The following CNTN4 variants were observed in gnomAD, a reference collection of about 807,000 sequenced individuals.
CNTN4 encodes the protein contactin-4.
A neutral mutation model predicts 122.5 loss-of-function variants in CNTN4; 77 were observed. The observed-to-expected ratio is 0.63, with a 90% CI of 0.52 to 0.76. The LOEUF is 0.76. Ranked by LOEUF, CNTN4 falls within the 30% of genes least tolerant of loss-of-function variation. CNTN4 has a pLI of 0.00. For synonymous variants in CNTN4, 512 were observed against 447.0 expected (o/e 1.15, Z -1.83); for missense variants, 1,256 against 1,259.1 (o/e 1.00, Z 0.04).
At chr3:2,989,860 T>G (rs988131081) in intron 14 of CNTN4, among the ~76,000 whole-genome samples, 4 of 152,210 alleles carry the variant, frequency 2.6e-5, no homozygotes, top group Non-Finnish European at 5.9e-5. Flanking sequence ...CCAAGAGAGA[T>G]CTCAATGTTT....
intron 4 of CNTN4, among the ~76,000 whole-genome samples, chr3:2,657,525 G>C (rs773478185): frequency 9.2e-5 from 14 of 152,160 alleles, no homozygotes; most frequent in Non-Finnish European, 2.1e-4. Flanking sequence ...TTTGTGAATT[G>C]AAAGTTGGAT....
Position 2,711,636 on chromosome 3 carries a change from G to C in CNTN4, c.56-24579G>C, listed in dbSNP as rs563531119. On this transcript the variant is annotated intron_variant, in intron 4 of 24. Coordinates refer to ENST00000418658, the MANE Select transcript of CNTN4 (RefSeq NM_175607.3). ...ACTCTTCAAACCAGAAATGCTAAAC[G>C]CAGAGAGGATTAACATGGCAGAAGG... Among the ~76,000 whole-genome samples, 22 of 152,280 alleles carry C rather than the reference G, an allele frequency of 1.4e-4. No individual in the cohort carries two copies. The East Asian group carries it at 1.9e-3, about 13-fold the overall frequency.
At chr3:2,740,030 CT>C (rs201610964) in intron 5 of CNTN4, among the ~76,000 whole-genome samples, 3,184 of 151,366 alleles carry the variant, frequency 0.021, 91 homozygotes, top group African/African-American at 0.06. Context: ...TTCCAAGTAC[CT>C]TTTTTTTTCC....
chr3:2,711,291 G>A (rs2087134513), intron 4 of CNTN4, among the ~76,000 whole-genome samples: 1 of 152,184 alleles, frequency 6.6e-6, no homozygotes, highest in Non-Finnish European at 1.5e-5. Context: ...ATCTCACACA[G>A]TCAGCACATA....
chr3:2,572,048 G>GT (rs1216782234), intron 4 of CNTN4, among the ~76,000 whole-genome samples: 1 of 152,144 alleles, frequency 6.6e-6, no homozygotes, highest in Non-Finnish European at 1.5e-5. Context: ...AACACAGGAG[G>GT]TTTTTACCAT....
chr3:2,584,879 T>G (rs1411636863), intron 4 of CNTN4, among the ~76,000 whole-genome samples: 2 of 151,724 alleles, frequency 1.3e-5, no homozygotes, highest in African/African-American at 4.9e-5. Flanking sequence ...GGTAGGTAGG[T>G]AGGTAGATAC....
At chr3:2,401,604 A>T (rs2046862238) in intron 3 of CNTN4, among the ~76,000 whole-genome samples, 1 of 152,078 alleles carries the variant, frequency 6.6e-6, no homozygotes, top group Admixed American at 6.6e-5. Flanking sequence ...GACTTGATTG[A>T]AGACAATCTG....
At chr3:2,602,213 A>G (rs988649799) in intron 4 of CNTN4, among the ~76,000 whole-genome samples, 24 of 152,174 alleles carry the variant, frequency 1.6e-4, no homozygotes, top group African/African-American at 5.5e-4. Flanking sequence ...CACCACTCCT[A>G]TTCAACATAG....
At chr3:2,498,253 C>G (rs1156773776) in intron 3 of CNTN4, among the ~76,000 whole-genome samples, 4 of 151,988 alleles carry the variant, frequency 2.6e-5, no homozygotes, top group African/African-American at 4.8e-5. Flanking sequence ...GCATTTATGG[C>G]AACATATTCA....
intron 14 of CNTN4, among the ~76,000 whole-genome samples, chr3:3,018,067 A>G (rs1358689819): frequency 6.6e-6 from 1 of 152,224 alleles, no homozygotes; most frequent in African/African-American, 2.4e-5. Context: ...GTTTGTTTTG[A>G]TAGCTCCTTC....
At chr3:3,021,603 A>G (rs1479960092) in intron 14 of CNTN4, among the ~76,000 whole-genome samples, 2 of 152,222 alleles carry the variant, frequency 1.3e-5, no homozygotes, top group Non-Finnish European at 2.9e-5. Context: ...GTCTCCTTCC[A>G]CAAATGAAGA....
At chr3:2,123,404 A>G (rs1343472293) in intron 2 of CNTN4, among the ~76,000 whole-genome samples, 1 of 152,138 alleles carries the variant, frequency 6.6e-6, no homozygotes, top group Non-Finnish European at 1.5e-5. Context: ...TGGCTTTACT[A>G]ATTTTTTATG....
intron 2 of CNTN4, among the ~76,000 whole-genome samples, chr3:2,320,937 T>C (rs1275000529): frequency 6.6e-6 from 1 of 152,138 alleles, no homozygotes; most frequent in Non-Finnish European, 1.5e-5. Flanking sequence ...AAAAATATCC[T>C]GGAATTACTA....
chr3:2,429,136 C>T (rs1055712945), intron 3 of CNTN4, among the ~76,000 whole-genome samples: 1 of 152,220 alleles, frequency 6.6e-6, no homozygotes, highest in African/African-American at 2.4e-5. Context: ...GAGCTGCATT[C>T]CTTTGAAGGC....
At chr3:2,376,982 T>C (rs1575495913) in intron 3 of CNTN4, among the ~76,000 whole-genome samples, 1 of 151,884 alleles carries the variant, frequency 6.6e-6, no homozygotes, top group Non-Finnish European at 1.5e-5. Context: ...ATGGTGAAAC[T>C]CCGTCTCTAC....
intron 6 of CNTN4, among the ~76,000 whole-genome samples, chr3:2,756,231 G>A (rs535327343): frequency 6.6e-6 from 1 of 152,294 alleles, no homozygotes; most frequent in South Asian, 2.1e-4. Flanking sequence ...TCTCCAAAAT[G>A]CCTATGTTGA....
intron 3 of CNTN4, among the ~76,000 whole-genome samples, chr3:2,396,715 G>C (rs1404435240): frequency 6.7e-6 from 1 of 149,840 alleles, no homozygotes; most frequent in Non-Finnish European, 1.5e-5. Context: ...ACATAAATCA[G>C]AAGATTATGA....
At chr3:2,253,293 A>G (rs1165005131) in intron 2 of CNTN4, among the ~76,000 whole-genome samples, 2 of 152,324 alleles carry the variant, frequency 1.3e-5, no homozygotes, top group South Asian at 4.1e-4. Context: ...CCATTAGAAT[A>G]AACAGTGACT....
chr3:3,031,883 C>T (rs950199768), intron 16 of CNTN4, among the ~76,000 whole-genome samples: 55 of 152,176 alleles, frequency 3.6e-4, no homozygotes, highest in African/African-American at 1.1e-3. Context: ...AAACTTCGAA[C>T]GCAAGAAAAT....
Sources: gnomAD v4.1 joint callset for allele counts (sites outside exome capture counted in the v4.1 genomes callset) on GRCh38, gnomAD v4.1.1 for gene constraint, MANE v1.5 for transcripts, NCBI Gene and HGNC (gene_info 2026-07-23, HGNC 2026-07-21) for gene names.